The following C10orf143 variants were observed in gnomAD, a reference collection of about 807,000 sequenced individuals.
C10orf143 encodes the protein uncharacterized protein C10orf143.
intron 1 of C10orf143, among the ~76,000 whole-genome samples, chr10:130,084,946 T>C (rs147108994): frequency 4.2e-4 from 64 of 152,210 alleles, no homozygotes; most frequent in African/African-American, 1.5e-3. Context: ...TGGCCAAAGC[T>C]GGAATGATTT....
chr10:130,070,245 G>A (rs1005390062), intron 3 of C10orf143, among the ~76,000 whole-genome samples: 3 of 152,166 alleles, frequency 2.0e-5, no homozygotes, highest in Non-Finnish European at 2.9e-5. Flanking sequence ...ATCTGATTCT[G>A]TTCTCTGTTC....
chr10:130,070,508 A>G (rs1454951065), intron 3 of C10orf143, among the ~76,000 whole-genome samples: 2 of 152,170 alleles, frequency 1.3e-5, no homozygotes, highest in African/African-American at 2.4e-5. Flanking sequence ...TCTGCCTTTG[A>G]TGTCCTCCAG....
intron 1 of C10orf143, among the ~76,000 whole-genome samples, chr10:130,081,138 G>T (rs1490595212): frequency 1.3e-5 from 2 of 152,072 alleles, no homozygotes; most frequent in African/African-American, 2.4e-5. Context: ...AAATAAAAAG[G>T]ATGGACCAAG....
intron 1 of C10orf143, among the ~76,000 whole-genome samples, chr10:130,086,942 T>A (rs1861300098): frequency 1.3e-5 from 2 of 152,184 alleles, no homozygotes; most frequent in South Asian, 4.1e-4. Context: ...AAAGCTGACA[T>A]TCTTCAAGGG....
At chr10:130,096,414 C>T (rs1181083673) in intron 1 of C10orf143, among the ~76,000 whole-genome samples, 1 of 151,622 alleles carries the variant, frequency 6.6e-6, no homozygotes, top group Non-Finnish European at 1.5e-5. Flanking sequence ...CCAGAAATAC[C>T]ATTTAACCCA....
At chr10:130,068,930 C>A (rs1253526057) in intron 3 of C10orf143, among the ~76,000 whole-genome samples, 2 of 152,106 alleles carry the variant, frequency 1.3e-5, no homozygotes, top group Non-Finnish European at 2.9e-5. Context: ...CCCAACACAC[C>A]TCTAAGCGGG....
rs771509945 is a variant in C10orf143, at chr10:130,035,702, G to A, written c.410+156C>T. On this transcript the variant is annotated intron_variant and NMD_transcript_variant, in intron 4 of 5. Transcript: ENST00000643056. Reference sequence around the variant, plus strand: ...GACGTGAGAATGACTCCACACAGCTGGGAAGTGAGTAGACCACCACACATC... The same window carrying A: ...GACGTGAGAATGACTCCACACAGCTAGGAAGTGAGTAGACCACCACACATC... 5.3e-5 allele frequency among the ~76,000 whole-genome samples: 8 copies of A among 152,326 alleles called. No homozygotes were observed. The Middle Eastern group carries it at 0.017, about 324-fold the overall frequency.
intron 3 of C10orf143, among the ~76,000 whole-genome samples, chr10:130,068,937 C>T (rs531152521): frequency 1.2e-3 from 182 of 152,112 alleles, no homozygotes; most frequent in Non-Finnish European, 1.6e-3. Flanking sequence ...CACCTCTAAG[C>T]GGGAGTCTCA....
chr10:130,044,980 G>T (rs1005965646), intron 3 of C10orf143, among the ~76,000 whole-genome samples: 1 of 152,156 alleles, frequency 6.6e-6, no homozygotes, highest in African/African-American at 2.4e-5. Flanking sequence ...CCCATCACTG[G>T]CATGTGGCTG....
chr10:130,059,455 G>T (rs1390874072), downstream of C10orf143, among the ~76,000 whole-genome samples: 1 of 152,154 alleles, frequency 6.6e-6, no homozygotes, highest in Admixed American at 6.6e-5. Flanking sequence ...GTAGAAAAAT[G>T]GGCAAAGGTG....
intron 3 of C10orf143, among the ~76,000 whole-genome samples, chr10:130,047,856 T>C (rs1860694517): frequency 6.6e-6 from 1 of 151,670 alleles, no homozygotes; most frequent in Admixed American, 6.6e-5. Flanking sequence ...TTTTTTTTTT[T>C]CGGATTTATC....
chr10:130,086,506 A>T (rs2134779910), intron 1 of C10orf143, among the ~76,000 whole-genome samples: 1 of 152,348 alleles, frequency 6.6e-6, no homozygotes. Flanking sequence ...CCTAAGTTGG[A>T]TGACAGTTTG....
At chr10:130,051,193 T>C (rs1860732919) in intron 3 of C10orf143, among the ~76,000 whole-genome samples, 1 of 152,072 alleles carries the variant, frequency 6.6e-6, no homozygotes, top group African/African-American at 2.4e-5. Context: ...ACGGTGACCG[T>C]TGTGCTCACC....
chr10:130,110,792 CT>C lies in C10orf143; in HGVS notation c.-21del. On this transcript the variant is annotated 5_prime_UTR_variant, in exon 1 of 4. Coordinates refer to ENST00000637128, the MANE Select transcript of C10orf143 (RefSeq NM_001355042.2). ...GTCCATGCAGCCCCAGGGTCAAACC[CT>C]CCCGGCATCTCAGGCCTGGCCGAGG... 1 of 398,964 alleles carries C rather than the reference CT, an allele frequency of 2.5e-6. No homozygotes were observed. Among genetic ancestry groups the C allele is most frequent in the Non-Finnish European group, 4.4e-6 (1 of 226,176 alleles). The allele number at this position is 398,964 out of a possible 1,614,324, so 24.7% of individuals were successfully genotyped here.
At chr10:130,058,376 A>T (rs1243120194) in intron 3 of C10orf143, among the ~76,000 whole-genome samples, 2 of 152,110 alleles carry the variant, frequency 1.3e-5, no homozygotes, top group Non-Finnish European at 2.9e-5. Flanking sequence ...TCTTCTCTCA[A>T]GGAGTTCTGG....
chr10:130,069,939 T>C (rs2134752556), intron 3 of C10orf143, among the ~76,000 whole-genome samples: 1 of 152,286 alleles, frequency 6.6e-6, no homozygotes, highest in Non-Finnish European at 1.5e-5. Context: ...CTCGTCCTTT[T>C]CTCTTCAACA....
chr10:130,046,105 G>A (rs997648038), intron 3 of C10orf143, among the ~76,000 whole-genome samples: 20 of 151,636 alleles, frequency 1.3e-4, no homozygotes, highest in Admixed American at 9.9e-4. Context: ...GATGGGGCGG[G>A]GCGTGGGACG....
At chr10:130,063,864 C>G (rs757043101), downstream of C10orf143, 1 of 152,472 alleles carries the variant, frequency 6.6e-6, no homozygotes, top group Non-Finnish European at 1.5e-5. Context: ...TGGACACTAG[C>G]ATTTAGTAAA....
At chr10:130,102,109 A>G (rs1861567279) in intron 1 of C10orf143, among the ~76,000 whole-genome samples, 2 of 151,934 alleles carry the variant, frequency 1.3e-5, no homozygotes. Flanking sequence ...CTCTACAAGA[A>G]TACACAAAAA....
Sources: gnomAD v4.1 joint callset for allele counts (sites outside exome capture counted in the v4.1 genomes callset) on GRCh38, gnomAD v4.1.1 for gene constraint, MANE v1.5 for transcripts, NCBI Gene and HGNC (gene_info 2026-07-23, HGNC 2026-07-21) for gene names.